The following ESR1 variants were observed in gnomAD, a reference collection of about 807,000 sequenced individuals.
ESR1 encodes the protein estrogen receptor 1.
ESR1 carries 12 observed loss-of-function variants against 52.7 expected under a neutral mutation model. The observed-to-expected ratio is 0.23, with a 90% confidence interval of 0.15 to 0.37. The LOEUF (loss-of-function observed/expected upper bound fraction) is 0.37. Ranked by LOEUF, ESR1 falls within the 10% of genes least tolerant of loss-of-function variation. The probability of loss-of-function intolerance (pLI) is 1.00; values close to 1 mark genes in which losing one functional copy is unlikely to be tolerated. For missense variants in ESR1, 584 were observed against 779.7 expected (o/e 0.75, Z 2.99); for synonymous variants, 305 against 316.8 (o/e 0.96, Z 0.39).
At chr6:151,928,876 C>T (rs1202756968) in intron 3 of ESR1, among the ~76,000 whole-genome samples, 1 of 152,012 alleles carries the variant, frequency 6.6e-6, no homozygotes, top group Non-Finnish European at 1.5e-5. Context: ...TTCCAGCTAT[C>T]TTTCTGTTGA....
chr6:151,753,839 C>A (rs1784083472), intron 2 of ESR1, among the ~76,000 whole-genome samples: 2 of 152,202 alleles, frequency 1.3e-5, no homozygotes, highest in African/African-American at 2.4e-5. Context: ...CTTCTCTCTT[C>A]CTCTTACCTA....
intron 4 of ESR1, among the ~76,000 whole-genome samples, chr6:151,976,495 C>T (rs978011421): frequency 1.3e-5 from 2 of 151,830 alleles, no homozygotes; most frequent in South Asian, 2.1e-4. Context: ...GCCTATAAAA[C>T]CTTTTTGGTT....
intron 5 of ESR1, among the ~76,000 whole-genome samples, chr6:152,044,372 C>T (rs2046053070): frequency 6.6e-6 from 1 of 152,188 alleles, no homozygotes; most frequent in Non-Finnish European, 1.5e-5. Flanking sequence ...TCTAGAACCA[C>T]TCCTGGTACC....
At chr6:151,963,750 C>A (rs2037936074) in intron 4 of ESR1, among the ~76,000 whole-genome samples, 1 of 152,126 alleles carries the variant, frequency 6.6e-6, no homozygotes, top group African/African-American at 2.4e-5. Context: ...GAACTCATTG[C>A]CCAGATCAAT....
intron 2 of ESR1, among the ~76,000 whole-genome samples, chr6:151,860,250 T>G (rs1304098006): frequency 6.6e-6 from 1 of 152,186 alleles, no homozygotes; most frequent in Non-Finnish European, 1.5e-5. Context: ...CTCACCTAGT[T>G]ATCATTTTTG....
intron 2 of ESR1, among the ~76,000 whole-genome samples, chr6:151,849,488 A>G (rs562083855): frequency 6.6e-6 from 1 of 152,250 alleles, no homozygotes; most frequent in East Asian, 1.9e-4. Flanking sequence ...TACTAAAAAT[A>G]CAAAAATTAG....
intron 6 of ESR1, among the ~76,000 whole-genome samples, chr6:152,092,562 G>A (rs983731142): frequency 6.6e-6 from 1 of 152,214 alleles, no homozygotes; most frequent in Admixed American, 6.5e-5. Flanking sequence ...TGATGAGGAA[G>A]GGGAGAGGGG....
At chr6:151,710,351 A>G (rs1203713079) in intron 2 of ESR1, among the ~76,000 whole-genome samples, 2 of 152,130 alleles carry the variant, frequency 1.3e-5, no homozygotes, top group East Asian at 1.9e-4. Flanking sequence ...CAAAATGAAG[A>G]TGCTCCAACC....
chr6:151,759,287 AAAG>A (rs1346612681), intron 2 of ESR1, among the ~76,000 whole-genome samples: 3 of 151,346 alleles, frequency 2.0e-5, no homozygotes, highest in Admixed American at 6.6e-5. Flanking sequence ...AAAAAAAAAA[AAAG>A]AAAACCAAAC....
chr6:151,975,782 C>T (rs547786857), intron 4 of ESR1, among the ~76,000 whole-genome samples: 46 of 152,166 alleles, frequency 3.0e-4, no homozygotes, highest in Non-Finnish European at 4.0e-4. Context: ...CTGGGCACCA[C>T]GGTCAAGCCA....
intron 2 of ESR1, among the ~76,000 whole-genome samples, chr6:151,772,142 C>G (rs1785574023): frequency 6.6e-6 from 1 of 152,146 alleles, no homozygotes; most frequent in African/African-American, 2.4e-5. Context: ...CAGTACACAC[C>G]CGTAGTTGCT....
chr6:151,758,109 T>G (rs754828032), intron 2 of ESR1, among the ~76,000 whole-genome samples: 25 of 152,244 alleles, frequency 1.6e-4, no homozygotes, highest in Non-Finnish European at 3.4e-4. Flanking sequence ...ATGGTCTTGC[T>G]GTTCAGCATT....
intron 2 of ESR1, among the ~76,000 whole-genome samples, chr6:151,729,183 A>G (rs1019420872): frequency 2.1e-4 from 32 of 152,296 alleles, no homozygotes; most frequent in Middle Eastern, 3.4e-3. Context: ...TGCCCTCAGC[A>G]AAGAGGCCTA....
chr6:152,022,180 C>A (rs1001954013), intron 5 of ESR1, among the ~76,000 whole-genome samples: 2 of 152,044 alleles, frequency 1.3e-5, no homozygotes, highest in Non-Finnish European at 2.9e-5. Context: ...GATTGAGCCA[C>A]CTTAGCCTCT....
At position 151,842,622 on chromosome 6, in the gene ESR1, G is replaced by A. The variant is rs149308960; in HGVS notation, c.478G>A (p.Gly160Ser). Reference protein sequence around the residue: ...YRPNSDNRRQGGRERLASTND... With the variant: ...YRPNSDNRRQSGRERLASTND... ...GCCAAATTCAGATAATCGACGCCAG[G>A]GTGGCAGAGAAAGATTGGCCAGTAC... Residue 160 changes from glycine to serine, a missense_variant, in exon 2 of 8, where the codon GGT becomes AGT. Transcript: ENST00000206249. The A allele has an allele frequency of 1.2e-6, 2 of 1,613,678 alleles. No individual in the cohort carries two copies. The highest frequency in any genetic ancestry group is 2.2e-5 in the South Asian group (2 of 91,050).
At position 151,717,540 on chromosome 6, in the gene ESR1, T is replaced by C. The variant is rs1268136977; in HGVS notation, c.-71+15535T>C. Reference sequence around the variant, plus strand: ...TTAGATCTTGTGTTAGGTTTTTCCATAAGATTAATTTTCTTCATATTGGCT... The same window carrying C: ...TTAGATCTTGTGTTAGGTTTTTCCACAAGATTAATTTTCTTCATATTGGCT... On this transcript the variant is annotated intron_variant, in intron 2 of 2. Transcript: ENST00000404742. 2.6e-5 allele frequency among the ~76,000 whole-genome samples: 4 copies of C among 152,332 alleles called. No homozygotes were observed. In the South Asian group the frequency reaches 8.3e-4, roughly 32 times the overall value.
In ESR1 at chr6:152,018,311, C is replaced by CAA. The variant is rs149653343; in HGVS notation, c.1235+6527_1235+6528dup. 2.2e-3 allele frequency among the ~76,000 whole-genome samples: 304 copies of CAA among 136,418 alleles called. 1 individual carries two copies. The highest frequency in any genetic ancestry group is 7.5e-3 in the African/African-American group (280 of 37,372). 89.5% of individuals were successfully genotyped at this position (136,418 alleles called of 152,430 possible). A position where few individuals can be genotyped will look rare whatever the true frequency, so the allele number is the denominator to read the frequency against. On this transcript the variant is annotated intron_variant, in intron 5 of 7. Transcript: ENST00000206249. The stretch of plus-strand genomic sequence containing the variant: ...GTAAATATTTCAGAAAAAAAATATG[C>CAA]AAAAAAAAAAATGCCCAAAAATCAA...
chr6:151,666,356 A>G (rs534777920), intron 1 of ESR1, among the ~76,000 whole-genome samples: 2 of 152,020 alleles, frequency 1.3e-5, no homozygotes, highest in Non-Finnish European at 2.9e-5. Context: ...TTCACAGTAC[A>G]TTTTCTTGCT....
chr6:152,084,605 A>G lies in ESR1; in HGVS notation c.1370-9780A>G, dbSNP rs140880707. Among the ~76,000 whole-genome samples, 789 of 152,142 alleles carry G rather than the reference A, an allele frequency of 5.2e-3. 10 individuals are homozygous for G. Among genetic ancestry groups the G allele is most frequent in the African/African-American group, 0.018 (747 of 41,502 alleles). On this transcript the variant is annotated intron_variant, in intron 6 of 7. Transcript: ENST00000206249. ...TACACACACACAGAAGTATATCTTT[A>G]CAGTTCCCAGGATGGACTGCAAGTT...
Sources: gnomAD v4.1 joint callset for allele counts (sites outside exome capture counted in the v4.1 genomes callset) on GRCh38, gnomAD v4.1.1 for gene constraint, MANE v1.5 for transcripts, NCBI Gene and HGNC (gene_info 2026-07-23, HGNC 2026-07-21) for gene names.